ZNF267: variants seen among roughly 807,000 people sequenced by gnomAD.
ZNF267 encodes zinc finger (C2H2).
Under a neutral mutation model 71.6 loss-of-function variants are expected in ZNF267, and 61 were observed. That is an observed-to-expected ratio of 0.85 (90% CI 0.69 to 1.05). ZNF267 has a LOEUF of 1.05. Ranked by LOEUF, ZNF267 falls within the 50% of genes least tolerant of loss-of-function variation. The probability of loss-of-function intolerance (pLI) is 0.00; values close to 1 mark genes in which losing one functional copy is unlikely to be tolerated. For synonymous variants in ZNF267, 288 were observed against 293.2 expected, an observed-to-expected ratio of 0.98 and a Z score of 0.18; for missense variants, 852 against 870.0, an observed-to-expected ratio of 0.98 and a Z score of 0.26.
chr16:31,884,904 T>G (rs933332415), intron 2 of ZNF267, among the ~76,000 whole-genome samples: 2 of 152,194 alleles, frequency 1.3e-5, no homozygotes, highest in Non-Finnish European at 2.9e-5. Context: ...TTTTTTTGTT[T>G]GTTTTTGATT....
chr16:31,913,868 C>T (rs1481340238), intron 3 of ZNF267: 1 of 152,380 alleles, frequency 6.6e-6, no homozygotes, highest in African/African-American at 2.4e-5. Context: ...AATGCTGACT[C>T]AGGGACCCTA....
Position 31,873,807 on chromosome 16 carries a change from A to C in ZNF267, c.-160A>C, listed in dbSNP as rs189747532. ...TTTGGCGGGGGCCTTCGTCGGCTCC[A>C]GTTAGAGCTCGGGTCTCCTCGCCAC... On this transcript the variant is annotated 5_prime_UTR_variant, in exon 1 of 4. Coordinates refer to ENST00000300870, the MANE Select transcript of ZNF267 (RefSeq NM_003414.6). 1.0e-5 allele frequency: 10 copies of C among 963,610 alleles called. No homozygotes were observed. The highest frequency in any genetic ancestry group is 2.0e-5 in the Admixed American group (1 of 49,930). 59.7% of individuals were successfully genotyped at this position (963,610 alleles called of 1,614,324 possible). A position where few individuals can be genotyped will look rare whatever the true frequency, so the allele number is the denominator to read the frequency against.
Position 31,916,224 on chromosome 16 carries a change from C to A in ZNF267, c.1975C>A (p.Pro659Thr). 1 of 1,614,128 alleles carries A rather than the reference C, an allele frequency of 6.2e-7. No individual in the cohort carries two copies. The highest frequency in any genetic ancestry group is 8.5e-7 in the Non-Finnish European group (1 of 1,180,002). ...TCAGAGAAGTCATACTGGAGAGAGA[C>A]CCTACAAATGTGAAGAATGTGGCAA... The part of the protein sequence containing the change: ...THQRSHTGER[P>T]YKCEECGKAF... Residue 659 changes from proline (P) to threonine (T), a missense_variant, in exon 4 of 4, where the codon CCC becomes ACC. Coordinates refer to ENST00000300870, the MANE Select transcript of ZNF267 (RefSeq NM_003414.6).
At chr16:31,890,712 A>G (rs1014802014) in intron 3 of ZNF267, among the ~76,000 whole-genome samples, 2 of 152,238 alleles carry the variant, frequency 1.3e-5, no homozygotes, top group Non-Finnish European at 2.9e-5. Flanking sequence ...GCATAGTAAC[A>G]TGGCCAAAGG....
intron 3 of ZNF267, among the ~76,000 whole-genome samples, chr16:31,901,746 C>T (rs868349510): frequency 1.3e-5 from 2 of 152,148 alleles, no homozygotes; most frequent in Admixed American, 6.5e-5. Flanking sequence ...CTGTAGGTTG[C>T]CTGTTCACTC....
chr16:31,909,881 G>T (rs969030407), intron 3 of ZNF267, among the ~76,000 whole-genome samples: 7 of 152,250 alleles, frequency 4.6e-5, no homozygotes, highest in African/African-American at 1.7e-4. Flanking sequence ...CTCCATTCAG[G>T]ATGATACTAG....
At chr16:31,891,920 A>G (rs2083963034) in intron 3 of ZNF267, among the ~76,000 whole-genome samples, 1 of 152,224 alleles carries the variant, frequency 6.6e-6, no homozygotes, top group African/African-American at 2.4e-5. Context: ...CAGAGATTAG[A>G]ACAGTTTGGA....
Position 31,915,285 on chromosome 16 carries a change from G to T in ZNF267, c.1036G>T (p.Glu346Ter). The T allele has an allele frequency of 6.2e-7, 1 of 1,613,790 alleles. No individual in the cohort carries two copies. ...TACTCAACATCAGATCATTCCTACC[G>T]AAGAGAAACCCTGTAAATGGAAAGA... Reference protein sequence around the residue: ...HLTQHQIIPTEEKPCKWKECG... With the variant: ...HLTQHQIIPT The change falls in exon 4 of 4, where the codon GAA becomes TAA. Residue 346 changes from glutamate (E) to a stop codon, truncating the protein, a stop_gained. Transcript: ENST00000300870. LOFTEE classifies it high-confidence loss of function.
At chr16:31,911,854 T>TA (rs1273628061) in intron 3 of ZNF267, 1 of 151,646 alleles carries the variant, frequency 6.6e-6, no homozygotes, top group Non-Finnish European at 1.5e-5. Context: ...CCATGAAACT[T>TA]ACAAATACTA....
At chr16:31,875,405 G>A (rs2083845334) in intron 1 of ZNF267, 1 of 1,041,518 alleles carries the variant, frequency 9.6e-7, no homozygotes, top group Non-Finnish European at 1.2e-6. Context: ...TGGGACATAA[G>A]GATTTTATTT....
At position 31,884,503 on chromosome 16, in the gene ZNF267, G is replaced by A. The variant is rs769220639; in HGVS notation, c.9G>A (p.Leu3=). Residue 3 remains leucine, a synonymous_variant, in exon 2 of 4, where the codon CTG becomes CTA. Transcript: ENST00000300870. ...ATTCTTTATTTTTATTTCAGGGACT[G>A]TTGACATTCAGGGATGTGGCCGTAG... MG[L]LTFRDVAVEF... 1.9e-5 allele frequency: 31 copies of A among 1,613,974 alleles called. 1 individual carries two copies. Among genetic ancestry groups the A allele is most frequent in the Middle Eastern group, 1.6e-4 (1 of 6,084 alleles).
At chr16:31,901,107 A>G (rs2084037489) in intron 3 of ZNF267, among the ~76,000 whole-genome samples, 1 of 152,138 alleles carries the variant, frequency 6.6e-6, no homozygotes, top group African/African-American at 2.4e-5. Context: ...AGCTTCATCC[A>G]TGTCCCTACA....
chr16:31,894,462 T>C (rs1008295945), intron 3 of ZNF267: 1 of 452,692 alleles, frequency 2.2e-6, no homozygotes, highest in Non-Finnish European at 4.3e-6. Context: ...GTGTTTTTTT[T>C]TTCTGACTAT....
chr16:31,894,658 A>G, intron 3 of ZNF267: 1 of 483,900 alleles, frequency 2.1e-6, no homozygotes, highest in South Asian at 1.6e-5. Context: ...TGGAGACTGC[A>G]CTTGTTTCTT....
intron 3 of ZNF267, chr16:31,894,838 C>A: frequency 2.1e-6 from 1 of 466,654 alleles, no homozygotes; most frequent in South Asian, 1.8e-5. Flanking sequence ...GCCGTGAACT[C>A]CTGTGGAGGT....
At chr16:31,886,559 C>T (rs186717802) in intron 3 of ZNF267, among the ~76,000 whole-genome samples, 13 of 152,274 alleles carry the variant, frequency 8.5e-5, no homozygotes, top group Admixed American at 8.5e-4. Context: ...AAACCACCCC[C>T]GACTCGACCT....
Position 31,914,908 on chromosome 16 carries a change from A to C in ZNF267, c.659A>C (p.Asn220Thr), listed in dbSNP as rs141179092. The change falls in exon 4 of 4, where the codon AAT becomes ACT. Residue 220 changes from asparagine (N) to threonine (T), a missense_variant. Coordinates refer to ENST00000300870, the MANE Select transcript of ZNF267 (RefSeq NM_003414.6). Reference sequence around the variant, plus strand: ...GGAGAGAAAAATTATCATTGCAATAATTCTGAAAAAACCTTGAACCAAAGC... The same window carrying C: ...GGAGAGAAAAATTATCATTGCAATACTTCTGAAAAAACCTTGAACCAAAGC... ...FIGEKNYHCN[N>T]SEKTLNQSSS... 256 of 1,612,408 alleles carry C rather than the reference A, an allele frequency of 1.6e-4. No homozygotes were observed. The highest frequency in any genetic ancestry group is 2.1e-4 in the Non-Finnish European group (248 of 1,179,626).
rs775196878 is a variant in ZNF267, at chr16:31,914,540, A to C, written c.291A>C (p.Lys97Asn). 1 of 1,614,050 alleles carries C rather than the reference A, an allele frequency of 6.2e-7. No individual in the cohort carries two copies. The highest frequency in any genetic ancestry group is 8.5e-7 in the Non-Finnish European group (1 of 1,179,992). ...ACTGCACAGAAGCTTCATTCCAAAAAGTGATATCGAGGAGACATGGGAGCT... is the reference window on the plus strand; with the variant it reads ...ACTGCACAGAAGCTTCATTCCAAAACGTGATATCGAGGAGACATGGGAGCT... ...TEHCTEASFQ[K>N]VISRRHGSCD... The change falls in exon 4 of 4, where the codon AAA becomes AAC. Residue 97 changes from lysine (K) to asparagine (N), a missense_variant. Transcript: ENST00000300870.
chr16:31,877,741 C>G (rs1035548299), intron 1 of ZNF267, among the ~76,000 whole-genome samples: 4 of 151,966 alleles, frequency 2.6e-5, no homozygotes, highest in African/African-American at 9.7e-5. Flanking sequence ...GTAGGCTGTT[C>G]TTGGAAAACA....
Sources: gnomAD v4.1 joint callset for allele counts (sites outside exome capture counted in the v4.1 genomes callset) on GRCh38, gnomAD v4.1.1 for gene constraint, MANE v1.5 for transcripts, NCBI Gene and HGNC (gene_info 2026-07-23, HGNC 2026-07-21) for gene names.